NPHP1: variants seen among roughly 807,000 people sequenced by gnomAD.
NPHP1 encodes nephrocystin-1.
A neutral mutation model predicts 90.4 loss-of-function variants in NPHP1; 70 were observed. That is an observed-to-expected ratio of 0.77 (90% CI 0.64 to 0.95). NPHP1 has a LOEUF of 0.95. Among genes scored for constraint, NPHP1 ranks in the 40% least tolerant of loss-of-function variants. The pLI is 0.00. For missense variants in NPHP1, 764 were observed against 795.9 expected, an observed-to-expected ratio of 0.96 and a Z score of 0.48; for synonymous variants, 256 against 271.7, an observed-to-expected ratio of 0.94 and a Z score of 0.57.
intron 4 of NPHP1, among the ~76,000 whole-genome samples, chr2:110,176,461 C>T (rs1683514975): frequency 6.6e-6 from 1 of 152,102 alleles, no homozygotes. Context: ...ACCATCTTGT[C>T]ACTTATTGAT....
At chr2:110,203,236 GGAC>G (rs1280209651) in intron 1 of NPHP1, among the ~76,000 whole-genome samples, 23 of 151,082 alleles carry the variant, frequency 1.5e-4, no homozygotes, top group Middle Eastern at 3.4e-3. Flanking sequence ...TGGGAGCAAT[GGAC>G]ACTGGTGACT....
intron 4 of NPHP1, among the ~76,000 whole-genome samples, chr2:110,171,720 A>G (rs1472855791): frequency 6.6e-6 from 1 of 152,126 alleles, no homozygotes; most frequent in Non-Finnish European, 1.5e-5. Context: ...GTGAATTTCA[A>G]TGATTGATTT....
At chr2:110,195,882 T>C (rs970038846) in intron 2 of NPHP1, among the ~76,000 whole-genome samples, 1 of 152,042 alleles carries the variant, frequency 6.6e-6, no homozygotes, top group Non-Finnish European at 1.5e-5. Flanking sequence ...TTGACAAACC[T>C]GACAAAAACA....
intron 2 of NPHP1, among the ~76,000 whole-genome samples, chr2:110,182,735 C>A (rs1683994691): frequency 6.6e-6 from 1 of 152,088 alleles, no homozygotes; most frequent in Non-Finnish European, 1.5e-5. Flanking sequence ...ACCACATAAA[C>A]AAATCTGCAA....
Position 110,162,299 on chromosome 2 carries a change from C to T in NPHP1, c.860-602G>A, listed in dbSNP as rs139016805. ...AATAAATAAAATAATTATTAGGGGA[C>T]ATAGAGCTATAAAGGGTGTTCACAT... On this transcript the variant is annotated intron_variant, in intron 9 of 19. Transcript: ENST00000445609. Among the ~76,000 whole-genome samples the T allele has an allele frequency of 6.6e-3, 1,001 of 152,062 alleles. 18 individuals carry two copies. The highest frequency in any genetic ancestry group is 0.023 in the African/African-American group (960 of 41,482).
At chr2:110,163,981 AT>A (rs1304897375) in intron 8 of NPHP1, 16 of 155,740 alleles carry the variant, frequency 1.0e-4, no homozygotes, top group South Asian at 3.8e-4. Flanking sequence ...CCGGCCTGTA[AT>A]TTTTTTTTAA....
intron 4 of NPHP1, among the ~76,000 whole-genome samples, chr2:110,172,914 T>G (rs965494148): frequency 6.6e-6 from 1 of 152,090 alleles, no homozygotes; most frequent in African/African-American, 2.4e-5. Flanking sequence ...TATATAGAAG[T>G]GTGTGACAAT....
intron 11 of NPHP1, among the ~76,000 whole-genome samples, chr2:110,158,805 A>T (rs944450097): frequency 2.6e-5 from 4 of 151,936 alleles, no homozygotes; most frequent in Non-Finnish European, 5.9e-5. Flanking sequence ...CCTTTAGAAA[A>T]CTGAGTTATC....
At position 110,146,408 on chromosome 2, in the gene NPHP1, T is replaced by C. The variant is rs543710777; in HGVS notation, c.1352+345A>G. 3.3e-5 allele frequency among the ~76,000 whole-genome samples: 5 copies of C among 152,174 alleles called. No individual in the cohort carries two copies. In the East Asian group the frequency reaches 5.8e-4, roughly 18 times the overall value. Reference sequence around the variant, plus strand: ...AGGGTAGAGACTCACAGAGGACCTCTGGACTCTGGACTTAACTTTCCCACT... The same window carrying C: ...AGGGTAGAGACTCACAGAGGACCTCCGGACTCTGGACTTAACTTTCCCACT... On this transcript the variant is annotated intron_variant, in intron 14 of 19. Coordinates refer to ENST00000445609, the MANE Select transcript of NPHP1 (RefSeq NM_001128178.3).
intron 11 of NPHP1, among the ~76,000 whole-genome samples, chr2:110,158,900 G>A (rs1370211561): frequency 6.9e-6 from 1 of 144,026 alleles, no homozygotes; most frequent in Non-Finnish European, 1.5e-5. Flanking sequence ...GATAATGCTA[G>A]TTTTAGGTTT....
At chr2:110,130,969 C>T (rs1459508132) in intron 17 of NPHP1, among the ~76,000 whole-genome samples, 5 of 152,176 alleles carry the variant, frequency 3.3e-5, no homozygotes, top group Non-Finnish European at 5.9e-5. Flanking sequence ...CTATGCCTGT[C>T]TCATTCATCA....
At chr2:110,171,903 T>C (rs1683151324) in intron 4 of NPHP1, among the ~76,000 whole-genome samples, 1 of 152,168 alleles carries the variant, frequency 6.6e-6, no homozygotes, top group Non-Finnish European at 1.5e-5. Context: ...TTGATATCAG[T>C]GTTATTGAAA....
At chr2:110,141,889 C>T (rs747137101) in intron 16 of NPHP1, among the ~76,000 whole-genome samples, 2 of 149,114 alleles carry the variant, frequency 1.3e-5, no homozygotes, top group South Asian at 2.1e-4. Context: ...AGGAAAATGG[C>T]GTGAACCCGG....
intron 1 of NPHP1, among the ~76,000 whole-genome samples, chr2:110,203,240 ACTGGTGACTG>A (rs112511940): frequency 0.031 from 4,778 of 151,798 alleles, 238 homozygotes; most frequent in African/African-American, 0.11. Context: ...AGCAATGGAC[ACTGGTGACTG>A]CTGGAGTGGG....
intron 16 of NPHP1, among the ~76,000 whole-genome samples, chr2:110,137,494 C>G (rs1034561940): frequency 2.6e-5 from 4 of 151,972 alleles, no homozygotes; most frequent in African/African-American, 9.7e-5. Flanking sequence ...AACAAACAAC[C>G]CCATCAAAAA....
chr2:110,204,843 G>T, intron 1 of NPHP1, 57 bp downstream of exon 1: 1 of 1,570,452 alleles, frequency 6.4e-7, no homozygotes, highest in Non-Finnish European at 8.8e-7. Context: ...GGCGCAGTGC[G>T]CGCAGCTGCG....
In NPHP1 at chr2:110,194,988, G is replaced by T. The variant is rs142276257; in HGVS notation, c.143+6433C>A. On this transcript the variant is annotated intron_variant, in intron 2 of 19. Coordinates refer to ENST00000445609, the MANE Select transcript of NPHP1 (RefSeq NM_001128178.3). ...TATGCTAAAAACTCTCAAGAAATTA[G>T]GTATTGATGGGACGTATCTCAAAAT... Among the ~76,000 whole-genome samples, 951 of 152,244 alleles carry T rather than the reference G, an allele frequency of 6.2e-3. 9 individuals are homozygous for T. The highest frequency in any genetic ancestry group is 0.022 in the African/African-American group (917 of 41,540).
intron 9 of NPHP1, among the ~76,000 whole-genome samples, chr2:110,162,832 G>C (rs183261361): frequency 6.6e-6 from 1 of 152,220 alleles, no homozygotes; most frequent in East Asian, 1.9e-4. Flanking sequence ...AAAAAAGAAA[G>C]GGGCTGGAAC....
intron 8 of NPHP1, 145 bp downstream of exon 8, chr2:110,164,543 G>T: frequency 1.3e-6 from 2 of 1,565,378 alleles, no homozygotes; most frequent in Non-Finnish European, 1.8e-6. Flanking sequence ...TTAGAAACCA[G>T]AAATATACGT....
Sources: allele counts gnomAD v4.1 joint callset (sites outside exome capture counted in the v4.1 genomes callset), GRCh38; gene constraint gnomAD v4.1.1; transcripts MANE v1.5; gene names NCBI Gene and HGNC (gene_info 2026-07-23, HGNC 2026-07-21).